The following SUMF1 variants were observed in gnomAD, a reference collection of about 807,000 sequenced individuals.
SUMF1 encodes formylglycine-generating enzyme.
In SUMF1, 48 loss-of-function variants were observed where a neutral mutation model predicts 47.6. The observed-to-expected ratio is 1.01, with a 90% CI of 0.80 to 1.28. The LOEUF is 1.28. Ranked by LOEUF, SUMF1 falls within the 50% of genes most tolerant of loss-of-function variation. The pLI is 0.00. For synonymous variants in SUMF1, 230 were observed against 192.1 expected (o/e 1.20, Z -1.63); for missense variants, 571 against 485.4 (o/e 1.18, Z -1.66).
intron 7 of SUMF1, among the ~76,000 whole-genome samples, chr3:4,389,909 T>C (rs961957697): frequency 6.6e-6 from 1 of 152,214 alleles, no homozygotes; most frequent in Non-Finnish European, 1.5e-5. Flanking sequence ...TTTTCTCCCA[T>C]GGTTTCTTTA....
At chr3:4,344,930 A>G (rs1020604357) in intron 8 of SUMF1, among the ~76,000 whole-genome samples, 2 of 152,120 alleles carry the variant, frequency 1.3e-5, no homozygotes, top group East Asian at 1.9e-4. Flanking sequence ...AAGAAAGGAT[A>G]TAAGAATTCG....
intron 9 of SUMF1, among the ~76,000 whole-genome samples, chr3:4,065,899 AC>A (rs1172721529): frequency 6.6e-6 from 1 of 152,096 alleles, no homozygotes; most frequent in African/African-American, 2.4e-5. Flanking sequence ...TGAGGAACCA[AC>A]CCTTGTGATA....
chr3:4,429,030 T>C (rs886745341), intron 3 of SUMF1, among the ~76,000 whole-genome samples: 4 of 152,248 alleles, frequency 2.6e-5, no homozygotes, highest in East Asian at 1.9e-4. Context: ...CTCCTAACAT[T>C]GAACCATTCA....
chr3:4,210,102 C>T (rs1419427512), intron 8 of SUMF1, among the ~76,000 whole-genome samples: 2 of 151,988 alleles, frequency 1.3e-5, no homozygotes, highest in African/African-American at 4.8e-5. Flanking sequence ...ACCATGTTAG[C>T]CAGGCTGGTC....
intron 8 of SUMF1, among the ~76,000 whole-genome samples, chr3:4,281,719 A>G (rs1205699404): frequency 6.6e-6 from 1 of 152,184 alleles, no homozygotes; most frequent in African/African-American, 2.4e-5. Flanking sequence ...AAATAAATAT[A>G]TGTATTTACA....
At chr3:4,112,565 C>G (rs750665228) in intron 8 of SUMF1, among the ~76,000 whole-genome samples, 1 of 152,048 alleles carries the variant, frequency 6.6e-6, no homozygotes, top group Non-Finnish European at 1.5e-5. Flanking sequence ...TATCTTGTGA[C>G]CATCATAAAG....
At chr3:4,278,113 C>A (rs6779236) in intron 8 of SUMF1, among the ~76,000 whole-genome samples, 132,414 of 151,968 alleles carry the variant, frequency 0.87, 57,823 homozygotes, top group East Asian at 1. Flanking sequence ...ATTTTTGGCA[C>A]GTTTATTTTC....
downstream of SUMF1, among the ~76,000 whole-genome samples, chr3:4,356,225 C>G (rs1468906208): frequency 6.6e-6 from 1 of 152,156 alleles, no homozygotes; most frequent in Non-Finnish European, 1.5e-5. Context: ...AAAATGAGGC[C>G]TGCTCTAGGG....
chr3:4,072,835 T>C lies in SUMF1; in HGVS notation c.1015-4090A>G, dbSNP rs138415255. Among the ~76,000 whole-genome samples the C allele has an allele frequency of 6.3e-3, 953 of 152,152 alleles. 8 individuals are homozygous for C. The highest frequency in any genetic ancestry group is 0.022 in the African/African-American group (907 of 41,482). Reference sequence around the variant, plus strand: ...AGCCTCCAAGAAATATGGGACTATGTGAAAAGACCAAACCTACGTTTGACT... The same window carrying C: ...AGCCTCCAAGAAATATGGGACTATGCGAAAAGACCAAACCTACGTTTGACT... On this transcript the variant is annotated intron_variant and NMD_transcript_variant, in intron 8 of 12. Coordinates refer to the SUMF1 transcript ENST00000448413.
At chr3:4,114,904 A>G (rs1363132150) in intron 8 of SUMF1, among the ~76,000 whole-genome samples, 1 of 152,116 alleles carries the variant, frequency 6.6e-6, no homozygotes, top group Non-Finnish European at 1.5e-5. Context: ...TCCTTGTGAT[A>G]TGGGAAGAAG....
intron 8 of SUMF1, among the ~76,000 whole-genome samples, chr3:4,348,172 A>T (rs970048935): frequency 3.3e-5 from 5 of 152,182 alleles, no homozygotes; most frequent in Non-Finnish European, 5.9e-5. Flanking sequence ...AATTAGAAAA[A>T]ACTATTTTAA....
At chr3:4,116,018 C>T (rs779001156) in intron 8 of SUMF1, among the ~76,000 whole-genome samples, 4 of 151,994 alleles carry the variant, frequency 2.6e-5, no homozygotes, top group African/African-American at 9.7e-5. Flanking sequence ...TTCATGACCC[C>T]GTAATTTGCA....
rs530512864 is a variant in SUMF1, at chr3:4,096,606, T to G, written c.1015-27861A>C. On this transcript the variant is annotated intron_variant and NMD_transcript_variant, in intron 8 of 12. Coordinates refer to the SUMF1 transcript ENST00000448413. ...CTTAAGTAAGGACTAGTCCACAGAA[T>G]CCAAAGGAATCTAAATCTCTTTACA... Among the ~76,000 whole-genome samples the G allele has an allele frequency of 1.3e-5, 2 of 152,094 alleles. 1 individual carries two copies. The highest frequency in any genetic ancestry group is 4.2e-4 in the South Asian group (2 of 4,814).
At chr3:4,045,619 A>G (rs561736683) in intron 9 of SUMF1, among the ~76,000 whole-genome samples, 1 of 152,042 alleles carries the variant, frequency 6.6e-6, no homozygotes, top group Non-Finnish European at 1.5e-5. Flanking sequence ...CCATATAATC[A>G]CTGCTCTTTC....
chr3:4,112,186 A>T (rs1329473830), intron 8 of SUMF1, among the ~76,000 whole-genome samples: 1 of 152,182 alleles, frequency 6.6e-6, no homozygotes, highest in Non-Finnish European at 1.5e-5. Context: ...CACTTCAAGC[A>T]AGCAAAGAAC....
chr3:4,233,699 G>A (rs1696349769), intron 8 of SUMF1, among the ~76,000 whole-genome samples: 1 of 152,146 alleles, frequency 6.6e-6, no homozygotes, highest in African/African-American at 2.4e-5. Context: ...GAGCAGATGT[G>A]AAATGCTATT....
intron 8 of SUMF1, among the ~76,000 whole-genome samples, chr3:4,239,132 A>G (rs909810699): frequency 2.6e-5 from 4 of 152,074 alleles, no homozygotes; most frequent in African/African-American, 9.7e-5. Flanking sequence ...CCATTGGTCT[A>G]TATATCTGTT....
chr3:4,366,362 G>A (rs560669716), intron 8 of SUMF1, among the ~76,000 whole-genome samples: 58 of 152,246 alleles, frequency 3.8e-4, no homozygotes, highest in South Asian at 2.9e-3. Context: ...CCCATCAGAC[G>A]TAGATTTGGT....
At chr3:4,211,139 TATACATATAC>T (rs1490400716) in intron 8 of SUMF1, among the ~76,000 whole-genome samples, 1 of 122,224 alleles carries the variant, frequency 8.2e-6, no homozygotes, top group Non-Finnish European at 1.8e-5. Flanking sequence ...CACACACATA[TATACATATAC>T]ATATATATAC....
Sources: allele counts gnomAD v4.1 joint callset (sites outside exome capture counted in the v4.1 genomes callset), GRCh38; gene constraint gnomAD v4.1.1; transcripts MANE v1.5; gene names NCBI Gene and HGNC (gene_info 2026-07-23, HGNC 2026-07-21).